The following ANKRD26 variants were observed in gnomAD, a reference collection of about 807,000 sequenced individuals.
The protein encoded by ANKRD26 is ankyrin repeat domain-containing protein 26.
ANKRD26 carries 141 observed loss-of-function variants against 208.7 expected under a neutral mutation model. The ratio of observed to expected loss-of-function variants is 0.68; its 90% CI spans 0.59 to 0.78. ANKRD26 has a LOEUF of 0.78. ANKRD26 is among the 30% of genes least tolerant of loss of function. The probability of loss-of-function intolerance (pLI) is 0.00; values close to 1 mark genes in which losing one functional copy is unlikely to be tolerated. For missense variants in ANKRD26, 1,889 were observed against 1,938.7 expected, an observed-to-expected ratio of 0.97 and a Z score of 0.48; for synonymous variants, 636 against 660.4, an observed-to-expected ratio of 0.96 and a Z score of 0.57.
chr10:27,027,149 T>C (rs1422225108), intron 27 of ANKRD26, among the ~76,000 whole-genome samples: 1 of 152,240 alleles, frequency 6.6e-6, no homozygotes, highest in Non-Finnish European at 1.5e-5. Flanking sequence ...TCTGCAATGC[T>C]AGGAGCACTG....
At chr10:26,978,065 C>A (rs1374071301) in intron 5 of ANKRD26, among the ~76,000 whole-genome samples, 2 of 151,926 alleles carry the variant, frequency 1.3e-5, no homozygotes, top group African/African-American at 2.4e-5. Flanking sequence ...ATTTTAGCAA[C>A]CATCCTTTCT....
At chr10:27,093,304 A>T in intron 3 of ANKRD26, 45 bp downstream of exon 3, 1 of 1,568,264 alleles carries the variant, frequency 6.4e-7, no homozygotes, top group African/African-American at 1.3e-5. Context: ...CTGTTGAAAC[A>T]AACGCATTTC....
intron 5 of ANKRD26, chr10:26,992,128 CT>C (rs1249037447): frequency 6.6e-6 from 1 of 152,120 alleles, no homozygotes; most frequent in East Asian, 1.9e-4. Flanking sequence ...AGGTATGTAA[CT>C]TTTTTATCTT....
rs1307516694 is a variant in ANKRD26 at position 27,004,984 on chromosome 10, C to T, written c.*606G>A. On this transcript the variant is annotated 3_prime_UTR_variant, in exon 34 of 34. Coordinates refer to ENST00000376087, the MANE Select transcript of ANKRD26 (RefSeq NM_014915.3). ...GATGACATAATGTCAGCAATTTACTCTCAAATTGTTCGGAGGAGAAAGTCT... is the reference window on the plus strand; with the variant it reads ...GATGACATAATGTCAGCAATTTACTTTCAAATTGTTCGGAGGAGAAAGTCT... 1 of 954,600 alleles carries T rather than the reference C, an allele frequency of 1.0e-6. No homozygotes were observed. Among genetic ancestry groups the T allele is most frequent in the Admixed American group, 6.2e-5 (1 of 16,236 alleles). The allele number at this position is 954,600 out of a possible 1,614,324, so 59.1% of individuals were successfully genotyped here.
chr10:27,038,411 A>C (rs887379440), intron 21 of ANKRD26, among the ~76,000 whole-genome samples: 1 of 152,186 alleles, frequency 6.6e-6, no homozygotes, highest in African/African-American at 2.4e-5. Context: ...TCACTTTGGG[A>C]GGCCGAGGCG....
chr10:26,976,647 C>A (rs1322862943), intron 5 of ANKRD26, among the ~76,000 whole-genome samples: 1 of 151,732 alleles, frequency 6.6e-6, no homozygotes, highest in African/African-American at 2.4e-5. Flanking sequence ...GTTTGTAGCA[C>A]TTCATATTTT....
chr10:26,963,903 G>GTTTTTTTTTTTTTTTTTTTT, the ANKRD26 span, among the ~76,000 whole-genome samples: 15 of 71,838 alleles, frequency 2.1e-4, 3 homozygotes, highest in East Asian at 1.5e-3. Context: ...TGGTTGGTTG[G>GTTTTTTTTTTTTTTTTTTTT]TTTTTTTTTT....
chr10:27,053,324 G>A lies in ANKRD26; in HGVS notation c.1631C>T (p.Pro544Leu). The A allele has an allele frequency of 6.2e-7, 1 of 1,602,442 alleles. No individual in the cohort carries two copies. Among genetic ancestry groups the A allele is most frequent in the South Asian group, 1.1e-5 (1 of 90,390 alleles). ...ATTTTTAAAAATATATAATACCTGT[G>A]GCTGGTTATTTTCACTCCCTTCCCT... The part of the protein sequence containing the change: ...QEREGSENNQ[P>L]QVEEERKKHR... Residue 544 changes from proline to leucine, a missense_variant, in exon 16 of 34, where the codon CCA becomes CTA. By Grantham distance (98) the Pro-to-Leu change is moderately conservative. This residue lies in a region of ANKRD26 where 1,272 missense variants were observed against 1,273.8 expected (regional missense o/e 1.00). Transcript: ENST00000376087.
chr10:26,950,279 C>T, the ANKRD26 span, among the ~76,000 whole-genome samples: 2 of 152,208 alleles, frequency 1.3e-5, no homozygotes, highest in Non-Finnish European at 2.9e-5. Context: ...CTCTCTCCTG[C>T]TGCCATGTAA....
intron 5 of ANKRD26, among the ~76,000 whole-genome samples, chr10:27,085,250 G>A (rs546362164): frequency 4.5e-4 from 69 of 151,946 alleles, no homozygotes; most frequent in Non-Finnish European, 8.8e-4. Context: ...ACAGGTGTGC[G>A]CCACCACGCC....
At position 27,023,310 on chromosome 10, in the gene ANKRD26, C is replaced by T. The variant is rs529718736; in HGVS notation, c.4086-623G>A. ...TGGGCCGAGACTGCACCACCACACT[C>T]CAGCTTGGGCAACAGAGAGATTCCA... On this transcript the variant is annotated intron_variant, in intron 28 of 33. Transcript: ENST00000376087. Among the ~76,000 whole-genome samples the T allele has an allele frequency of 2.0e-5, 3 of 151,560 alleles. No homozygotes were observed. In the East Asian group the frequency reaches 5.8e-4, roughly 29 times the overall value.
intron 4 of ANKRD26, among the ~76,000 whole-genome samples, chr10:26,980,983 T>C (rs1219450343): frequency 6.6e-6 from 1 of 152,200 alleles, no homozygotes; most frequent in African/African-American, 2.4e-5. Flanking sequence ...TTCCCCCTTT[T>C]TGCTACCTCT....
rs368451975 is a variant in ANKRD26, at chr10:27,067,188, A to G, written c.1176T>C (p.Tyr392=). 1.1e-5 allele frequency: 17 copies of G among 1,613,682 alleles called. No individual in the cohort carries two copies. The highest frequency in any genetic ancestry group is 1.0e-5 in the Non-Finnish European group (12 of 1,179,804). Residue 392 remains tyrosine, a synonymous_variant, in exon 10 of 34, where the codon TAT becomes TAC. Transcript: ENST00000376087. ...TATTATTTTTGTGCACTTCATCAAC[A>G]TAAGTCAAATTGTCATTATTTGTTT... ...LEQTNNDNLT[Y]VDEVHKNNRS...
At chr10:27,085,951 CTACAA>C (rs1293712188) in intron 5 of ANKRD26, among the ~76,000 whole-genome samples, 1 of 137,754 alleles carries the variant, frequency 7.3e-6, no homozygotes, top group East Asian at 1.9e-4. Context: ...GCTTACTTTA[CTACAA>C]TACATTATAT....
At chr10:27,049,097 ATAT>A in intron 16 of ANKRD26, 118 bp from the exon 17 acceptor site, 3 of 814,232 alleles carry the variant, frequency 3.7e-6, no homozygotes, top group Non-Finnish European at 5.7e-6. Flanking sequence ...GCCAATAAAA[ATAT>A]TTTCTGCTTA....
In ANKRD26 at chr10:27,100,439, T is replaced by G. The variant is rs886046949; in HGVS notation, c.-113A>C. The G allele has an allele frequency of 3.0e-4, 442 of 1,466,452 alleles. 3 individuals carry two copies. The highest frequency in any genetic ancestry group is 3.0e-3 in the Middle Eastern group (12 of 4,058). 90.8% of individuals were successfully genotyped at this position (1,466,452 alleles called of 1,614,324 possible). A position where few individuals can be genotyped will look rare whatever the true frequency, so the allele number is the denominator to read the frequency against. ...CTGGCCGCAGCCTCCCAAAGGAAAC[T>G]CCGCGGTTTCCAATCTCTCCCTCCG... is the stretch of plus-strand genomic sequence containing the variant. On this transcript the variant is annotated 5_prime_UTR_variant, in exon 1 of 34. Coordinates refer to ENST00000376087, the MANE Select transcript of ANKRD26 (RefSeq NM_014915.3).
Position 27,048,947 on chromosome 10 carries a change from A to G in ANKRD26, c.1668T>C (p.Asn556=). 6.2e-7 allele frequency: 1 copy of G among 1,608,040 alleles called. No individual in the cohort carries two copies. Among genetic ancestry groups the G allele is most frequent in the South Asian group, 1.1e-5 (1 of 90,228 alleles). The part of the protein sequence containing the change: ...VEEERKKHRN[N]EMEVSANIHD... The stretch of plus-strand genomic sequence containing the variant: ...GTATGTTTGCTGATACTTCCATTTC[A>G]TTATTTCTGTGTTTTTTCCTTTCTT... Residue 556 remains asparagine (N), a synonymous_variant, in exon 17 of 34, where the codon AAT becomes AAC. Transcript: ENST00000376087.
chr10:27,017,241 C>G (rs934251356), intron 30 of ANKRD26, among the ~76,000 whole-genome samples: 4 of 152,148 alleles, frequency 2.6e-5, no homozygotes, highest in African/African-American at 9.7e-5. Context: ...ACAATACTTT[C>G]TTTTCCTGAT....
Position 27,014,626 on chromosome 10 carries a change from T to G in ANKRD26, c.4592A>C (p.Lys1531Thr). 1 of 1,613,314 alleles carries G rather than the reference T, an allele frequency of 6.2e-7. No homozygotes were observed. Among genetic ancestry groups the G allele is most frequent in the Non-Finnish European group, 8.5e-7 (1 of 1,179,704 alleles). Reference sequence around the variant, plus strand: ...TTTGGAGAGTTCAGATTCCAGATCTTTAATTCTGAGTTCCATCTGACTTTT... The same window carrying G: ...TTTGGAGAGTTCAGATTCCAGATCTGTAATTCTGAGTTCCATCTGACTTTT... ...SMKSQMELRI[K>T]DLESELSKIK... is the part of the protein sequence containing the mutation. Residue 1531 changes from lysine (K) to threonine (T), a missense_variant, in exon 31 of 34, where the codon AAA becomes ACA. By Grantham distance (78) the Lys-to-Thr change is moderately conservative. Transcript: ENST00000376087.
Sources: gnomAD v4.1 joint callset for allele counts (sites outside exome capture counted in the v4.1 genomes callset) on GRCh38, gnomAD v4.1.1 for gene constraint, gnomAD v4.1.1 regional missense constraint, MANE v1.5 for transcripts, NCBI Gene and HGNC (gene_info 2026-07-23, HGNC 2026-07-21) for gene names.